Variants in FNIP2 observed in about 807,000 individuals in gnomAD.
FNIP2 encodes folliculin-interacting protein 2.
Under a neutral mutation model 108.7 loss-of-function variants are expected in FNIP2, and 32 were observed. That is an observed-to-expected ratio of 0.29 (90% CI 0.22 to 0.40). The LOEUF (loss-of-function observed/expected upper bound fraction) is 0.40. FNIP2 is among the 10% of genes least tolerant of loss of function. The probability of loss-of-function intolerance (pLI) is 1.00; values close to 1 mark genes in which losing one functional copy is unlikely to be tolerated. For missense variants in FNIP2, 1,202 were observed against 1,381.6 expected (o/e 0.87, Z 2.06); for synonymous variants, 480 against 496.7 (o/e 0.97, Z 0.45).
At chr4:158,869,956 T>C (rs1780840965) in intron 13 of FNIP2, among the ~76,000 whole-genome samples, 1 of 152,262 alleles carries the variant, frequency 6.6e-6, no homozygotes. Context: ...TTCCGCACTG[T>C]CGTGGGCACC....
At chr4:158,840,811 C>T (rs1195860951) in intron 7 of FNIP2, among the ~76,000 whole-genome samples, 1 of 152,220 alleles carries the variant, frequency 6.6e-6, no homozygotes. Flanking sequence ...TTAAACTCTT[C>T]CTCGTCAAGG....
At chr4:158,821,988 G>A (rs1407381985) in intron 1 of FNIP2, among the ~76,000 whole-genome samples, 1 of 151,950 alleles carries the variant, frequency 6.6e-6, no homozygotes, top group Non-Finnish European at 1.5e-5. Flanking sequence ...TACTTGGGGG[G>A]CTGAGATGGG....
intron 1 of FNIP2, among the ~76,000 whole-genome samples, chr4:158,770,749 G>GT (rs762906889): frequency 1.3e-5 from 2 of 152,188 alleles, no homozygotes; most frequent in Non-Finnish European, 2.9e-5. Context: ...CCTAAGGTGT[G>GT]TAATTTCGTC....
intron 14 of FNIP2, among the ~76,000 whole-genome samples, chr4:158,874,923 CAA>C (rs10712018): frequency 3.1e-3 from 443 of 142,614 alleles, no homozygotes; most frequent in Admixed American, 4.8e-3. Context: ...TACTAAAATA[CAA>C]AAAAAAAAAA....
chr4:158,773,033 C>T (rs550508753), intron 1 of FNIP2, among the ~76,000 whole-genome samples: 1 of 152,224 alleles, frequency 6.6e-6, no homozygotes, highest in East Asian at 1.9e-4. Context: ...TTCCTCCGCT[C>T]CCACTAATAA....
rs898772993 is a variant in FNIP2 at position 158,859,794 on chromosome 4, A to G, written c.1148+128A>G. On this transcript the variant is annotated intron_variant, in intron 10 of 16. Coordinates refer to ENST00000264433, the MANE Select transcript of FNIP2 (RefSeq NM_020840.3). ...CTCACTTTTGTGGTTCCGCCCTTCA[A>G]GATGGAAACAGAACAAATGAAGCAA... is the stretch of plus-strand genomic sequence containing the variant. The G allele has an allele frequency of 1.1e-4, 85 of 761,144 alleles. No individual in the cohort carries two copies. In the African/African-American group the frequency reaches 1.3e-3, roughly 12 times the overall value. The allele number at this position is 761,144 out of a possible 1,614,324, so 47.1% of individuals were successfully genotyped here.
chr4:158,881,691 G>C (rs1781645963), intron 14 of FNIP2, among the ~76,000 whole-genome samples: 1 of 152,234 alleles, frequency 6.6e-6, no homozygotes, highest in Admixed American at 6.5e-5. Context: ...AACCGCGAGT[G>C]ATCTGCCAGC....
intron 3 of FNIP2, among the ~76,000 whole-genome samples, chr4:158,831,480 A>G (rs986390613): frequency 6.6e-6 from 1 of 152,224 alleles, no homozygotes; most frequent in Non-Finnish European, 1.5e-5. Context: ...ATACCGAACC[A>G]TATTTTTTTC....
chr4:158,859,344 G>A, intron 9 of FNIP2, 86 bp downstream of exon 9: 1 of 1,408,910 alleles, frequency 7.1e-7, no homozygotes, highest in Non-Finnish European at 9.6e-7. Flanking sequence ...TGTATCAGAT[G>A]TCTTTCCTAA....
At chr4:158,789,715 CA>C (rs1776341241) in intron 1 of FNIP2, among the ~76,000 whole-genome samples, 3 of 152,166 alleles carry the variant, frequency 2.0e-5, no homozygotes, top group African/African-American at 7.2e-5. Flanking sequence ...CAGGAGCTAA[CA>C]GTACAGATGA....
chr4:158,848,038 A>G (rs114657847), intron 7 of FNIP2, among the ~76,000 whole-genome samples: 3,217 of 152,316 alleles, frequency 0.021, 118 homozygotes, highest in African/African-American at 0.074. Flanking sequence ...GGCTCACAGC[A>G]TCTCTGGACT....
chr4:158,870,199 A>G, intron 13 of FNIP2, 114 bp from the exon 14 acceptor site: 1 of 1,182,826 alleles, frequency 8.5e-7, no homozygotes, highest in South Asian at 1.6e-5. Context: ...GGTGACATGG[A>G]CCACCCTGAA....
intron 14 of FNIP2, among the ~76,000 whole-genome samples, chr4:158,886,080 C>G (rs901056797): frequency 6.6e-6 from 1 of 152,190 alleles, no homozygotes; most frequent in Admixed American, 6.5e-5. Context: ...ATTAACCAGG[C>G]TGATCCTGTT....
At chr4:158,850,631 G>A (rs1779646360) in intron 7 of FNIP2, among the ~76,000 whole-genome samples, 1 of 148,690 alleles carries the variant, frequency 6.7e-6, no homozygotes, top group South Asian at 2.2e-4. Context: ...GTAGCAGTGG[G>A]GGCTGGAGGG....
At chr4:158,862,354 G>C (rs1437203304) in intron 12 of FNIP2, among the ~76,000 whole-genome samples, 3 of 152,166 alleles carry the variant, frequency 2.0e-5, no homozygotes, top group African/African-American at 7.2e-5. Context: ...ATTACTCTCA[G>C]CCTCATTTTG....
At chr4:158,799,497 CCTT>C (rs976260592) in intron 1 of FNIP2, among the ~76,000 whole-genome samples, 5 of 152,160 alleles carry the variant, frequency 3.3e-5, no homozygotes, top group Non-Finnish European at 7.3e-5. Context: ...CTTCCAGACA[CCTT>C]CTACCTTACT....
At chr4:158,776,316 C>T (rs1253505449) in intron 1 of FNIP2, among the ~76,000 whole-genome samples, 1 of 152,170 alleles carries the variant, frequency 6.6e-6, no homozygotes, top group Non-Finnish European at 1.5e-5. Flanking sequence ...ACAAGTTAGA[C>T]GTTAACCTGC....
In FNIP2 at chr4:158,882,058, G is replaced by A. The variant is rs1414920053; in HGVS notation, c.2950-9388G>A. Reference sequence around the variant, plus strand: ...CCGCCCATTGTCTGAGATGTGGGGAGTGCCTCTGCCCCACCGCAACCCTGT... The same window carrying A: ...CCGCCCATTGTCTGAGATGTGGGGAATGCCTCTGCCCCACCGCAACCCTGT... On this transcript the variant is annotated intron_variant, in intron 14 of 16. Coordinates refer to ENST00000264433, the MANE Select transcript of FNIP2 (RefSeq NM_020840.3). Among the ~76,000 whole-genome samples the A allele has an allele frequency of 4.0e-5, 6 of 151,098 alleles. No homozygotes were observed. In the East Asian group the frequency reaches 9.7e-4, roughly 24 times the overall value.
At chr4:158,799,254 G>T (rs868672790) in intron 1 of FNIP2, among the ~76,000 whole-genome samples, 2 of 152,320 alleles carry the variant, frequency 1.3e-5, no homozygotes, top group Middle Eastern at 3.4e-3. Flanking sequence ...AAGTTCCAAA[G>T]CATTAACAGA....
Sources: allele counts gnomAD v4.1 joint callset (sites outside exome capture counted in the v4.1 genomes callset), GRCh38; gene constraint gnomAD v4.1.1; transcripts MANE v1.5; gene names NCBI Gene and HGNC (gene_info 2026-07-23, HGNC 2026-07-21).